MPHOSPH10: variants seen among roughly 807,000 people sequenced by gnomAD.
MPHOSPH10 encodes U3 small nucleolar ribonucleoprotein MPP10.
MPHOSPH10 carries 33 observed loss-of-function variants against 77.3 expected under a neutral mutation model. The ratio of observed to expected loss-of-function variants is 0.43; its 90% CI spans 0.32 to 0.57. The LOEUF (loss-of-function observed/expected upper bound fraction) is 0.57. Ranked by LOEUF, MPHOSPH10 falls within the 20% of genes least tolerant of loss-of-function variation. The pLI is 0.07. For synonymous variants in MPHOSPH10, 245 were observed against 268.0 expected, an observed-to-expected ratio of 0.91 and a Z score of 0.84; for missense variants, 708 against 780.1, an observed-to-expected ratio of 0.91 and a Z score of 1.10.
At position 71,138,548 on chromosome 2, in the gene MPHOSPH10, T is replaced by G. The variant is rs754174928; in HGVS notation, c.1157T>G (p.Leu386Arg). The G allele has an allele frequency of 1.5e-5, 24 of 1,611,484 alleles. No homozygotes were observed. The highest frequency in any genetic ancestry group is 4.2e-6 in the Non-Finnish European group (5 of 1,179,304). Residue 386 changes from leucine to arginine, a missense_variant, in exon 5 of 11, where the codon CTT (leucine) becomes CGT (arginine). This residue lies in a region of MPHOSPH10 where 12 missense variants were observed against 27.6 expected (regional missense o/e 0.44). Transcript: ENST00000244230. ...TTGTTAGAAAAAAAGCCGTGGCAGC[T>G]TCAGGGGGAAGTGACAGCACAGAAG... ...KELLEKKPWQ[L>R]QGEVTAQKRP...
intron 9 of MPHOSPH10, 60 bp downstream of exon 9, chr2:71,148,166 C>T (rs1673754233): frequency 1.4e-6 from 2 of 1,407,484 alleles, no homozygotes; most frequent in Non-Finnish European, 2.0e-6. Flanking sequence ...CATAGCCAGA[C>T]TCCATTTATT....
intron 7 of MPHOSPH10, among the ~76,000 whole-genome samples, chr2:71,142,122 G>A (rs1436110628): frequency 1.3e-5 from 2 of 152,092 alleles, no homozygotes; most frequent in Non-Finnish European, 2.9e-5. Flanking sequence ...TATAATAATC[G>A]AATTATTCCT....
intron 4 of MPHOSPH10, among the ~76,000 whole-genome samples, chr2:71,135,440 G>A (rs1254837164): frequency 2.6e-5 from 4 of 151,132 alleles, no homozygotes; most frequent in African/African-American, 7.3e-5. Flanking sequence ...CCAGCTAATC[G>A]GGAGGCTGAG....
At chr2:71,141,112 T>C in intron 6 of MPHOSPH10, 120 bp from the exon 7 acceptor site, 2 of 414,160 alleles carry the variant, frequency 4.8e-6, no homozygotes, top group Non-Finnish European at 6.9e-6. Context: ...AATATATTAA[T>C]GATAATTTAT....
At chr2:71,137,095 T>G (rs955250998) in intron 4 of MPHOSPH10, among the ~76,000 whole-genome samples, 1 of 151,756 alleles carries the variant, frequency 6.6e-6, no homozygotes, top group African/African-American at 2.4e-5. Context: ...CTGCAAGACA[T>G]TAAGGAGAAA....
Position 71,144,676 on chromosome 2 carries a change from AG to A in MPHOSPH10, c.1557+140del, listed in dbSNP as rs371059602. ...GTAAATTCCAGGCAGGGTCTCCATG[AG>A]GAAAGCTCACTTCTGGTCCCATGAC... On this transcript the variant is annotated intron_variant, in intron 8 of 10. Transcript: ENST00000244230. 1.4e-4 allele frequency: 92 copies of A among 658,636 alleles called. 1 individual carries two copies. The African/African-American group carries it at 1.6e-3, about 11-fold the overall frequency. 40.8% of individuals were successfully genotyped at this position (658,636 alleles called of 1,614,324 possible).
intron 8 of MPHOSPH10, among the ~76,000 whole-genome samples, chr2:71,145,049 G>A (rs1673681745): frequency 6.6e-6 from 1 of 152,136 alleles, no homozygotes; most frequent in Admixed American, 6.5e-5. Context: ...TAGGAGGTGG[G>A]AGAGTGAGAA....
Position 71,146,093 on chromosome 2 carries a change from C to T in MPHOSPH10, c.1557+1555C>T, listed in dbSNP as rs187362387. On this transcript the variant is annotated intron_variant, in intron 8 of 10. Transcript: ENST00000244230. Reference sequence around the variant, plus strand: ...GCATCTACTGTTCCACTCTGTTCCTCGCACTAGCTAGGATCTAACACACGG... The same window carrying T: ...GCATCTACTGTTCCACTCTGTTCCTTGCACTAGCTAGGATCTAACACACGG... Among the ~76,000 whole-genome samples the T allele has an allele frequency of 1.1e-4, 16 of 152,334 alleles. No homozygotes were observed. The East Asian group carries it at 1.4e-3, about 13-fold the overall frequency.
chr2:71,145,789 T>G (rs1673694373), intron 8 of MPHOSPH10, among the ~76,000 whole-genome samples: 1 of 152,084 alleles, frequency 6.6e-6, no homozygotes, highest in East Asian at 1.9e-4. Flanking sequence ...GATCTTCTGA[T>G]TCCTTGAGCA....
chr2:71,133,859 A>C, intron 2 of MPHOSPH10, 89 bp from the exon 3 acceptor site: 1 of 966,080 alleles, frequency 1.0e-6, no homozygotes, highest in South Asian at 2.0e-5. Flanking sequence ...AAAGTAATAT[A>C]TACATACAAT....
chr2:71,132,749 T>G (rs1673412377), intron 1 of MPHOSPH10, 149 bp from the exon 2 acceptor site: 3 of 1,049,132 alleles, frequency 2.9e-6, no homozygotes, highest in Non-Finnish European at 2.7e-6. Flanking sequence ...GTGTAGCTCA[T>G]CAGCTTATAT....
intron 6 of MPHOSPH10, among the ~76,000 whole-genome samples, chr2:71,140,909 G>T (rs1673598439): frequency 1.3e-5 from 2 of 151,976 alleles, no homozygotes; most frequent in South Asian, 4.1e-4. Flanking sequence ...AATTAAAGTT[G>T]GTAACCAGGT....
At chr2:71,137,359 A>G (rs1673516783) in intron 4 of MPHOSPH10, among the ~76,000 whole-genome samples, 1 of 152,156 alleles carries the variant, frequency 6.6e-6, no homozygotes, top group Non-Finnish European at 1.5e-5. Context: ...AAAGATAAAG[A>G]TAAGAGATGA....
chr2:71,131,457 A>G (rs772517703), intron 1 of MPHOSPH10, among the ~76,000 whole-genome samples: 75 of 152,066 alleles, frequency 4.9e-4, no homozygotes, highest in Non-Finnish European at 4.7e-4. Context: ...GTTTCTACCC[A>G]CCTATACTCT....
In MPHOSPH10 at chr2:71,138,709, T is replaced by G. The variant is rs749293760; in HGVS notation, c.1240+78T>G. ...TTTCATACAAAGATTTGGGGTGGTG[T>G]TTCTTTTCCCTCAACTTTTTATTTT... On this transcript the variant is annotated intron_variant, in intron 5 of 10. Transcript: ENST00000244230. The G allele has an allele frequency of 2.7e-5, 43 of 1,581,618 alleles. 1 individual carries two copies. In the South Asian group the frequency reaches 3.7e-4, roughly 14 times the overall value.
rs550868498 is a variant in MPHOSPH10 at position 71,148,022 on chromosome 2, G to A, written c.1581G>A (p.Val527=). ...AGCCTGTACCAGAGATTAAAGTTGT[G>A]TCAAATCTGCCAGCCATAACCATGG... ...PKPPVPEIKV[V]SNLPAITMEE... Residue 527 remains valine (V), a synonymous_variant, in exon 9 of 11, where the codon GTG becomes GTA. Transcript: ENST00000244230. The A allele has an allele frequency of 1.9e-6, 3 of 1,614,128 alleles. No individual in the cohort carries two copies. Among genetic ancestry groups the A allele is most frequent in the Non-Finnish European group, 2.5e-6 (3 of 1,179,978 alleles).
At chr2:71,131,529 A>G (rs1383141836) in intron 1 of MPHOSPH10, among the ~76,000 whole-genome samples, 1 of 152,206 alleles carries the variant, frequency 6.6e-6, no homozygotes, top group Admixed American at 6.5e-5. Context: ...TGAAGAGACC[A>G]CTAAAACAGG....
intron 4 of MPHOSPH10, among the ~76,000 whole-genome samples, chr2:71,136,913 AACACACACACACACAC>A (rs56768441): frequency 1.1e-3 from 135 of 119,076 alleles, no homozygotes; most frequent in African/African-American, 3.3e-3. Context: ...GTAGCATTAA[AACACACACACACACAC>A]ACACACACAC....
In MPHOSPH10 at chr2:71,132,934, A is replaced by G; in HGVS notation, c.126A>G (p.Leu42=). ...QEGLASKFTS[L]TKVLYDFNKI... ...GATTGGCATCAAAGTTCACTTCTTTAACAAAAGTGCTTTATGACTTTAATA... is the reference window on the plus strand; with the variant it reads ...GATTGGCATCAAAGTTCACTTCTTTGACAAAAGTGCTTTATGACTTTAATA... Residue 42 remains leucine, a synonymous_variant, in exon 2 of 11, where the codon TTA becomes TTG. Transcript: ENST00000244230. 1.2e-6 allele frequency: 2 copies of G among 1,611,646 alleles called. No individual in the cohort carries two copies. Among genetic ancestry groups the G allele is most frequent in the South Asian group, 2.2e-5 (2 of 90,784 alleles).
Sources: gnomAD v4.1 joint callset for allele counts (sites outside exome capture counted in the v4.1 genomes callset) on GRCh38, gnomAD v4.1.1 for gene constraint, gnomAD v4.1.1 regional missense constraint, MANE v1.5 for transcripts, NCBI Gene and HGNC (gene_info 2026-07-23, HGNC 2026-07-21) for gene names.